Variants in NCKAP5L observed in about 807,000 individuals in gnomAD.
The protein encoded by NCKAP5L is nck-associated protein 5-like.
NCKAP5L carries 54 observed loss-of-function variants against 103.2 expected under a neutral mutation model. The ratio of observed to expected loss-of-function variants is 0.52; its 90% CI spans 0.42 to 0.66. NCKAP5L has a LOEUF of 0.66. NCKAP5L is among the 30% of genes least tolerant of loss of function. The pLI, the probability that NCKAP5L is intolerant of heterozygous loss-of-function variation, is 0.00. For synonymous variants in NCKAP5L, 762 were observed against 748.6 expected (o/e 1.02, Z -0.29); for missense variants, 1,733 against 1,750.6 (o/e 0.99, Z 0.18).
intron 1 of NCKAP5L, among the ~76,000 whole-genome samples, chr12:49,824,650 A>G (rs1031476): frequency 0.72 from 109,233 of 152,158 alleles, 41,183 homozygotes; most frequent in East Asian, 0.95. Context: ...GGAGAGAAGG[A>G]TAAACAAAGA....
chr12:49,792,691 C>G lies in NCKAP5L; in HGVS notation c.3636G>C (p.Glu1212Asp). Residue 1212 changes from glutamate to aspartate, a missense_variant, in exon 11 of 13, where the codon GAG (glutamate) becomes GAC (aspartate). Physicochemically the swap from Glu to Asp is conservative, Grantham distance 45. Transcript: ENST00000335999. This position sits in a 1 kb window ranked among gnomAD's most constrained non-coding sequence, Gnocchi z 4.5. ...LPAAPGHRGH[E>D]TCPDDPCEDP... Reference sequence around the variant, plus strand: ...CTGGACACTCACCATCAGGACAGGTCTCATGGCCCCGGTGGCCCGGAGCAG... The same window carrying G: ...CTGGACACTCACCATCAGGACAGGTGTCATGGCCCCGGTGGCCCGGAGCAG... 1 of 1,612,454 alleles carries G rather than the reference C, an allele frequency of 6.2e-7. No individual in the cohort carries two copies.
Position 49,795,472 on chromosome 12 carries a change from T to C in NCKAP5L, c.2388A>G (p.Lys796=). The C allele has an allele frequency of 6.5e-7, 1 of 1,548,840 alleles. No individual in the cohort carries two copies. The change falls in exon 8 of 13, where the codon AAA becomes AAG. Residue 796 remains lysine (K), a synonymous_variant. Coordinates refer to ENST00000335999, the MANE Select transcript of NCKAP5L (RefSeq NM_001037806.4). ...CCAGGCTTGGGGCTGAGGTTGGCAC[T>C]TTGGCAGGGGTACGGGGTACCTGGG... is the stretch of plus-strand genomic sequence containing the variant. The part of the protein sequence containing the change: ...LCPQVPRTPA[K]VPTSAPSLGK...
At position 49,791,896 on chromosome 12, in the gene NCKAP5L, C is replaced by T. The variant is rs574681032; in HGVS notation, c.3948G>A (p.Ser1316=). ...CGTAGAGTGAGTCACTGAGAGACTC[C>T]GAGGTCTCCAGCCCTGGGGGGCCCC... ...ASGGPPGLET[S]ESLSDSLYDS... is the part of the protein sequence containing the mutation. The change falls in exon 13 of 13, where the codon TCG becomes TCA. Residue 1316 remains serine, a synonymous_variant. Transcript: ENST00000335999. 1.7e-5 allele frequency: 28 copies of T among 1,612,340 alleles called. 1 individual carries two copies. The highest frequency in any genetic ancestry group is 1.7e-4 in the Middle Eastern group (1 of 6,040).
intron 1 of NCKAP5L, among the ~76,000 whole-genome samples, chr12:49,812,771 C>A (rs1592758033): frequency 6.6e-6 from 1 of 152,194 alleles, no homozygotes; most frequent in Non-Finnish European, 1.5e-5. Flanking sequence ...GGCTTGTTTT[C>A]ACTTTTTAGC....
At chr12:49,819,311 CAAA>C (rs60803272) in intron 1 of NCKAP5L, among the ~76,000 whole-genome samples, 39,446 of 124,944 alleles carry the variant, frequency 0.32, 5,606 homozygotes, top group South Asian at 0.41. Context: ...GACTCCGCTT[CAAA>C]AAAAAAAAAA....
chr12:49,818,813 G>C (rs115009485), intron 1 of NCKAP5L, among the ~76,000 whole-genome samples: 3,179 of 152,240 alleles, frequency 0.021, 91 homozygotes, highest in East Asian at 0.14. Context: ...GTGTTGGCAA[G>C]GATGTGGAGA....
chr12:49,800,940 A>G (rs12313989), intron 6 of NCKAP5L, among the ~76,000 whole-genome samples: 3,484 of 152,324 alleles, frequency 0.023, 105 homozygotes, highest in East Asian at 0.13. Context: ...GAACCCTGCC[A>G]CAGGGACAGA....
Position 49,796,490 on chromosome 12 carries a change from T to C in NCKAP5L, c.1370A>G (p.Lys457Arg). ...CGAGGTTGGAGGCAGCTTTAGAAACTTGAGACCCCTAGCTGGAGAGGGCAG... is the reference window on the plus strand; with the variant it reads ...CGAGGTTGGAGGCAGCTTTAGAAACCTGAGACCCCTAGCTGGAGAGGGCAG... Reference protein sequence around the residue: ...PLLPSPARGLKFLKLPPTSEK... With the variant: ...PLLPSPARGLRFLKLPPTSEK... The change falls in exon 8 of 13, where the codon AAG becomes AGG. Residue 457 changes from lysine to arginine, a missense_variant. Transcript: ENST00000335999. 2 of 1,536,002 alleles carry C rather than the reference T, an allele frequency of 1.3e-6. No individual in the cohort carries two copies. The highest frequency in any genetic ancestry group is 1.8e-6 in the Non-Finnish European group (2 of 1,142,758).
intron 1 of NCKAP5L, among the ~76,000 whole-genome samples, chr12:49,820,808 G>C (rs1222991588): frequency 6.6e-6 from 1 of 152,178 alleles, no homozygotes; most frequent in African/African-American, 2.4e-5. Context: ...ACTGGGCTCT[G>C]CTCTTGTTTG....
rs769786158 is a variant in NCKAP5L at position 49,794,940 on chromosome 12, T to C, written c.2920A>G (p.Lys974Glu). The C allele has an allele frequency of 5.7e-6, 9 of 1,574,982 alleles. No homozygotes were observed. The highest frequency in any genetic ancestry group is 7.7e-6 in the Non-Finnish European group (9 of 1,161,408). ...AGTGCCCGACGCAGGTCTTCCGCCT[T>C]GGCCATCAGCTTGGAGATGTTGAGG... ...ESLNISKLMAKAEDLRRALEE... is the reference protein window; with the variant it reads ...ESLNISKLMAEAEDLRRALEE... Residue 974 changes from lysine (K) to glutamate (E), a missense_variant, in exon 8 of 13, where the codon AAG (lysine) becomes GAG (glutamate). Physicochemically the swap from Lys to Glu is moderately conservative, Grantham distance 56. Transcript: ENST00000335999.
intron 1 of NCKAP5L, among the ~76,000 whole-genome samples, chr12:49,812,331 G>T (rs1050825844): frequency 1.3e-5 from 2 of 151,432 alleles, no homozygotes; most frequent in East Asian, 1.9e-4. Flanking sequence ...ATGTTTTCAA[G>T]GTTCATCCAT....
At position 49,794,697 on chromosome 12, in the gene NCKAP5L, G is replaced by T. The variant is rs560177240; in HGVS notation, c.3095+68C>A. 25 of 1,254,674 alleles carry T rather than the reference G, an allele frequency of 2.0e-5. No individual in the cohort carries two copies. The African/African-American group carries it at 3.9e-4, about 19-fold the overall frequency. The allele number at this position is 1,254,674 out of a possible 1,614,324, so 77.7% of individuals were successfully genotyped here. On this transcript the variant is annotated intron_variant, in intron 8 of 12. Transcript: ENST00000335999. ...AAAAGCAGGCCTAGCTCCAGACGCA[G>T]GTGTGCCCACGAAGGGAAAAGTGCC...
At chr12:49,819,001 A>G (rs1417047562) in intron 1 of NCKAP5L, among the ~76,000 whole-genome samples, 2 of 148,494 alleles carry the variant, frequency 1.3e-5, no homozygotes, top group Non-Finnish European at 3.0e-5. Flanking sequence ...GTTCAAGACC[A>G]GCCTAGACAA....
chr12:49,794,801 TG>T lies in NCKAP5L; in HGVS notation c.3058del (p.Gln1020LysfsTer11). On this transcript the variant is annotated frameshift_variant, in exon 8 of 13. Transcript: ENST00000335999. LOFTEE classifies it high-confidence loss of function. Reference protein sequence around the residue: ...QVQGQLAGMYQGADTFMQQLL... With the variant: ...QVQGQLAGMYXGADTFMQQLL... ...CTGCTGCATGAAGGTGTCTGCACCT[TG>T]GTACATGCCAGCCAGCTGGCCCTGC... The T allele has an allele frequency of 6.5e-7, 1 of 1,543,744 alleles. No individual in the cohort carries two copies. The highest frequency in any genetic ancestry group is 8.7e-7 in the Non-Finnish European group (1 of 1,144,514).
Position 49,796,017 on chromosome 12 carries a change from A to G in NCKAP5L, c.1843T>C (p.Tyr615His), listed in dbSNP as rs780188973. The G allele has an allele frequency of 2.8e-5, 44 of 1,548,672 alleles. No homozygotes were observed. The highest frequency in any genetic ancestry group is 3.6e-5 in the Non-Finnish European group (42 of 1,153,284). ...AAACTCTTCTCTTGGGGGCTCCCAT[A>G]GGGGTACGATTCTGGGAGGCAAGGA... ...PSPCLPESYP[Y>H]GSPQEKSLDK... Residue 615 changes from tyrosine (Y) to histidine (H), a missense_variant, in exon 8 of 13, where the codon TAT becomes CAT. Physicochemically the swap from Tyr to His is moderately conservative, Grantham distance 83. Transcript: ENST00000335999.
intron 6 of NCKAP5L, among the ~76,000 whole-genome samples, chr12:49,799,193 A>G (rs1479599136): frequency 3.3e-5 from 5 of 151,732 alleles, no homozygotes; most frequent in African/African-American, 1.2e-4. Context: ...GGCCTGCACT[A>G]CTCAGCATCT....
At position 49,792,514 on chromosome 12, in the gene NCKAP5L, C is replaced by A. The variant is rs373957320; in HGVS notation, c.3724G>T (p.Ala1242Ser). ...ATGAGAGGGTCCGAGGAGCTGCCGG[C>A]TGCCCTAGTATTGGGGAAGGTCCAG... ...KNWTFPNTRA[A>S]GSSSDPLMCP... The change falls in exon 12 of 13, where the codon GCC (alanine) becomes TCC (serine). Residue 1242 changes from alanine to serine, a missense_variant. Physicochemically the swap from Ala to Ser is moderately conservative, Grantham distance 99. Coordinates refer to ENST00000335999, the MANE Select transcript of NCKAP5L (RefSeq NM_001037806.4). This position sits in a 1 kb window ranked among gnomAD's most constrained non-coding sequence, Gnocchi z 4.5. 5 of 1,613,442 alleles carry A rather than the reference C, an allele frequency of 3.1e-6. No individual in the cohort carries two copies. In the African/African-American group the frequency reaches 6.7e-5, roughly 22 times the overall value.
chr12:49,793,523 CAT>C (rs1945975660), intron 9 of NCKAP5L, 90 bp from the exon 10 acceptor site: 4 of 1,410,358 alleles, frequency 2.8e-6, no homozygotes, highest in Non-Finnish European at 3.9e-6. Context: ...TGTCTGTAAA[CAT>C]ATGAGAGTAT....
At position 49,795,068 on chromosome 12, in the gene NCKAP5L, A is replaced by C; in HGVS notation, c.2792T>G (p.Leu931Arg). Residue 931 changes from leucine to arginine, a missense_variant, in exon 8 of 13, where the codon CTG (leucine) becomes CGG (arginine). Leu to Arg is a moderately radical substitution (Grantham distance 102). Coordinates refer to ENST00000335999, the MANE Select transcript of NCKAP5L (RefSeq NM_001037806.4). Reference sequence around the variant, plus strand: ...CTTGGTGGCCTCTGTGCGGCGGTTCAGCGCTGGCAGCTTGCTCTTCTTAAG... The same window carrying C: ...CTTGGTGGCCTCTGTGCGGCGGTTCCGCGCTGGCAGCTTGCTCTTCTTAAG... ...FGLKKSKLPA[L>R]NRRTEATKNK... 1 of 1,611,598 alleles carries C rather than the reference A, an allele frequency of 6.2e-7. No individual in the cohort carries two copies.
Sources: gnomAD v4.1 joint callset for allele counts (sites outside exome capture counted in the v4.1 genomes callset) on GRCh38, gnomAD v4.1.1 for gene constraint, Gnocchi (gnomAD v3.1) non-coding constraint, MANE v1.5 for transcripts, NCBI Gene and HGNC (gene_info 2026-07-23, HGNC 2026-07-21) for gene names.